The following LIX1L variants were observed in gnomAD, a reference collection of about 807,000 sequenced individuals.
LIX1L encodes LIX1-like protein.
A neutral mutation model predicts 34.0 loss-of-function variants in LIX1L; 20 were observed. The observed-to-expected ratio is 0.59, with a 90% confidence interval of 0.41 to 0.85. The LOEUF is 0.85. Among genes scored for constraint, LIX1L ranks in the 40% least tolerant of loss-of-function variants. The probability of loss-of-function intolerance (pLI) is 0.00; values close to 1 mark genes in which losing one functional copy is unlikely to be tolerated. For synonymous variants in LIX1L, 170 were observed against 187.4 expected (o/e 0.91, Z 0.76); for missense variants, 397 against 447.0 (o/e 0.89, Z 1.01).
chr1:145,957,897 G>A lies in LIX1L; in HGVS notation c.31C>T (p.Pro11Ser). The change falls in exon 1 of 6, where the codon CCT becomes TCT. Residue 11 changes from proline to serine, a missense_variant. Pro to Ser is a moderately conservative substitution (Grantham distance 74). Transcript: ENST00000604000. ...CCCCTCCCGCTGGTGCCCACACCAG[G>A]CTGCAGCCGCTGCGCTCGCATAGTC... METMRAQRLQ[P>S]GVGTSGRGTL... 1.3e-6 allele frequency: 2 copies of A among 1,487,832 alleles called. No homozygotes were observed. Among genetic ancestry groups the A allele is most frequent in the East Asian group, 2.9e-5 (1 of 34,686 alleles). 92.2% of individuals were successfully genotyped at this position (1,487,832 alleles called of 1,614,324 possible). A position where few individuals can be genotyped will look rare whatever the true frequency, so the allele number is the denominator to read the frequency against.
chr1:145,951,208 G>A (rs1460072775), intron 1 of LIX1L, among the ~76,000 whole-genome samples: 2 of 152,122 alleles, frequency 1.3e-5, no homozygotes, highest in Non-Finnish European at 2.9e-5. Context: ...CGCCACGCCT[G>A]GCTAATTTTT....
intron 5 of LIX1L, 96 bp downstream of exon 5, chr1:145,936,812 C>CA (rs1181089551): frequency 2.2e-6 from 2 of 929,714 alleles, no homozygotes; most frequent in African/African-American, 3.2e-5. Context: ...AACCATAGGT[C>CA]ACAATAGACC....
At chr1:145,954,765 C>G (rs1299570639) in intron 1 of LIX1L, among the ~76,000 whole-genome samples, 1 of 152,182 alleles carries the variant, frequency 6.6e-6, no homozygotes, top group Non-Finnish European at 1.5e-5. Context: ...CAAAGCATTT[C>G]CAAATGCACA....
At position 145,934,585 on chromosome 1, in the gene LIX1L, A is replaced by AAAAGAAG. The variant is rs1648558384; in HGVS notation, c.*1724_*1725insCTTCTTT. ...CGAGACTCCGTCTCAAAAAAAAAAA[A>AAAAGAAG]AACACACAAATAGTTTGGGAGGCCG... On this transcript the variant is annotated 3_prime_UTR_variant, in exon 6 of 6. Coordinates refer to ENST00000604000, the MANE Select transcript of LIX1L (RefSeq NM_153713.3). 8.3e-6 allele frequency: 1 copy of AAAAGAAG among 120,758 alleles called. No homozygotes were observed. The highest frequency in any genetic ancestry group is 3.1e-5 in the African/African-American group (1 of 31,854). 7.5% of individuals were successfully genotyped at this position (120,758 alleles called of 1,614,324 possible). A position where few individuals can be genotyped will look rare whatever the true frequency, so the allele number is the denominator to read the frequency against.
chr1:145,945,300 CA>C (rs1176595454), intron 2 of LIX1L, among the ~76,000 whole-genome samples: 31 of 121,790 alleles, frequency 2.5e-4, no homozygotes, highest in Admixed American at 2.6e-4. Flanking sequence ...GACTCTGTCT[CA>C]AAAAAAAAAA....
Position 145,937,709 on chromosome 1 carries a change from G to A in LIX1L, c.598-10C>T, listed in dbSNP as rs1648715151. ...CTTCCTCCCTGTTGCCCTGGTAGTAGAGGAACAGAAAAGACAAATAGATTT... is the reference window on the plus strand; with the variant it reads ...CTTCCTCCCTGTTGCCCTGGTAGTAAAGGAACAGAAAAGACAAATAGATTT... On this transcript the variant is annotated splice_polypyrimidine_tract_variant and intron_variant, in intron 3 of 5. Coordinates refer to ENST00000604000, the MANE Select transcript of LIX1L (RefSeq NM_153713.3). 1.0e-5 allele frequency: 16 copies of A among 1,540,700 alleles called. No homozygotes were observed. Among genetic ancestry groups the A allele is most frequent in the Non-Finnish European group, 1.3e-5 (14 of 1,113,212 alleles).
At position 145,957,726 on chromosome 1, in the gene LIX1L, G is replaced by C. The variant is rs782492433; in HGVS notation, c.202C>G (p.Pro68Ala). 9 of 1,473,846 alleles carry C rather than the reference G, an allele frequency of 6.1e-6. No individual in the cohort carries two copies. In the South Asian group the frequency reaches 9.2e-5, roughly 15 times the overall value. 91.3% of individuals were successfully genotyped at this position (1,473,846 alleles called of 1,614,324 possible). A position where few individuals can be genotyped will look rare whatever the true frequency, so the allele number is the denominator to read the frequency against. The change falls in exon 1 of 6, where the codon CCC becomes GCC. Residue 68 changes from proline (P) to alanine (A), a missense_variant. This residue lies in a region of LIX1L where 207 missense variants were observed against 205.2 expected (regional missense o/e 1.01). Coordinates refer to ENST00000604000, the MANE Select transcript of LIX1L (RefSeq NM_153713.3). ...LSGAPGLPLP[P>A]GAAGSPAVLR... ...ACTGCCGGGCTGCCGGCGGCGCCGG[G>C]GGGCAGGGGTAGTCCTGGGGCCCCA...
At chr1:145,946,825 A>T (rs960062850) in intron 2 of LIX1L, among the ~76,000 whole-genome samples, 17 of 152,208 alleles carry the variant, frequency 1.1e-4, no homozygotes, top group African/African-American at 4.1e-4. Flanking sequence ...TAAGGGTTTC[A>T]CAAACCATAT....
rs1648582063 is a variant in LIX1L at position 145,935,003 on chromosome 1, CTAAAAATA to C, written c.*1299_*1306del. On this transcript the variant is annotated 3_prime_UTR_variant, in exon 6 of 6. Transcript: ENST00000604000. ...CCAACATGGTGAAACCCTGTCTCTA[CTAAAAATA>C]TAAAAATTAGCCAGGCGTTGTGGCG... is the stretch of plus-strand genomic sequence containing the variant. 1 of 151,510 alleles carries C rather than the reference CTAAAAATA, an allele frequency of 6.6e-6. No individual in the cohort carries two copies. Among genetic ancestry groups the C allele is most frequent in the Non-Finnish European group, 1.5e-5 (1 of 67,994 alleles). 9.4% of individuals were successfully genotyped at this position (151,510 alleles called of 1,614,324 possible).
chr1:145,950,712 C>T (rs1417877546), intron 1 of LIX1L, among the ~76,000 whole-genome samples: 3 of 152,198 alleles, frequency 2.0e-5, no homozygotes, highest in Non-Finnish European at 4.4e-5. Flanking sequence ...GAGAAGTCCT[C>T]ATGCCAAAGG....
intron 3 of LIX1L, among the ~76,000 whole-genome samples, chr1:145,940,553 T>TC (rs1236047181): frequency 7.1e-6 from 1 of 140,940 alleles, no homozygotes; most frequent in African/African-American, 2.7e-5. Flanking sequence ...TTTCTTTCTT[T>TC]TTTTTTTTTT....
intron 3 of LIX1L, 42 bp downstream of exon 3, chr1:145,942,671 C>A: frequency 6.3e-7 from 1 of 1,599,758 alleles, no homozygotes; most frequent in South Asian, 1.1e-5. Flanking sequence ...AGCCAGTTCT[C>A]CCATCTCCCA....
At position 145,936,184 on chromosome 1, in the gene LIX1L, T is replaced by A; in HGVS notation, c.*126A>T. 1 of 1,103,288 alleles carries A rather than the reference T, an allele frequency of 9.1e-7. No individual in the cohort carries two copies. The highest frequency in any genetic ancestry group is 3.0e-5 in the Admixed American group (1 of 33,824). The allele number at this position is 1,103,288 out of a possible 1,614,324, so 68.3% of individuals were successfully genotyped here. ...AGCAAATAGGAATCTAGGTGTAGAA[T>A]TTATACACATATATATTTTTTAAAG... On this transcript the variant is annotated 3_prime_UTR_variant, in exon 6 of 6. Transcript: ENST00000604000.
intron 3 of LIX1L, among the ~76,000 whole-genome samples, chr1:145,939,287 G>A (rs1648787688): frequency 6.6e-6 from 1 of 151,742 alleles, no homozygotes; most frequent in Admixed American, 6.6e-5. Context: ...GATCCCAAAG[G>A]AAGACTATGG....
At chr1:145,952,230 G>A (rs1649322876) in intron 1 of LIX1L, among the ~76,000 whole-genome samples, 1 of 152,150 alleles carries the variant, frequency 6.6e-6, no homozygotes, top group Non-Finnish European at 1.5e-5. Flanking sequence ...CTTCATGGAG[G>A]TTCACAAGCT....
chr1:145,945,176 T>C (rs587691814), intron 2 of LIX1L, among the ~76,000 whole-genome samples: 1 of 149,128 alleles, frequency 6.7e-6, no homozygotes, highest in South Asian at 2.1e-4. Flanking sequence ...ATACAAAAAT[T>C]AGCTGGGTGT....
At chr1:145,954,178 A>C (rs1553760127) in intron 1 of LIX1L, among the ~76,000 whole-genome samples, 1 of 152,210 alleles carries the variant, frequency 6.6e-6, no homozygotes, top group Non-Finnish European at 1.5e-5. Context: ...AGAAGCTGGA[A>C]GAGGCAAGGA....
Position 145,936,283 on chromosome 1 carries a change from A to G in LIX1L, c.*27T>C. ...GGAGACATAAAAAAAGGCTGTGGAA[A>G]GCCTGGGGAGTTATGTGGGTGGATG... On this transcript the variant is annotated 3_prime_UTR_variant, in exon 6 of 6. Coordinates refer to ENST00000604000, the MANE Select transcript of LIX1L (RefSeq NM_153713.3). 1 of 1,606,742 alleles carries G rather than the reference A, an allele frequency of 6.2e-7. No individual in the cohort carries two copies. Among genetic ancestry groups the G allele is most frequent in the Non-Finnish European group, 8.5e-7 (1 of 1,174,982 alleles).
intron 1 of LIX1L, among the ~76,000 whole-genome samples, chr1:145,954,343 G>A (rs587607093): frequency 6.6e-6 from 1 of 152,116 alleles, no homozygotes; most frequent in African/African-American, 2.4e-5. Context: ...ATTTGTTACA[G>A]CAGCCACAGG....
Sources: allele counts gnomAD v4.1 joint callset (sites outside exome capture counted in the v4.1 genomes callset), GRCh38; gene constraint gnomAD v4.1.1; regional missense constraint gnomAD v4.1.1; transcripts MANE v1.5; gene names NCBI Gene and HGNC (gene_info 2026-07-23, HGNC 2026-07-21).